The following HM13 variants were observed in gnomAD, a reference collection of about 807,000 sequenced individuals.
HM13 encodes the protein histocompatibility minor 13, also known as signal peptide peptidase.
Under a neutral mutation model 50.0 loss-of-function variants are expected in HM13, and 18 were observed. The ratio of observed to expected loss-of-function variants is 0.36; its 90% CI spans 0.25 to 0.53. HM13 has a LOEUF of 0.53. Among genes scored for constraint, HM13 ranks in the 20% least tolerant of loss-of-function variants. The probability of loss-of-function intolerance (pLI) is 0.90; values close to 1 mark genes in which losing one functional copy is unlikely to be tolerated. For missense variants in HM13, 393 were observed against 552.4 expected (o/e 0.71, Z 2.89); for synonymous variants, 197 against 232.6 (o/e 0.85, Z 1.39).
chr20:31,521,767 T>G (rs112966231), intron 1 of HM13, among the ~76,000 whole-genome samples: 150 of 151,556 alleles, frequency 9.9e-4, no homozygotes, highest in African/African-American at 3.3e-3. Context: ...GTGGGGTTTT[T>G]GTGAGGATGA....
chr20:31,540,213 A>C (rs185708928), intron 3 of HM13: 3 of 152,432 alleles, frequency 2.0e-5, no homozygotes, highest in Admixed American at 1.3e-4. Flanking sequence ...CCAGCCCCGC[A>C]TCCTGAAAAA....
chr20:31,552,365 GGAAAAGAGGCT>G (rs1284450191), intron 7 of HM13, among the ~76,000 whole-genome samples: 2 of 152,180 alleles, frequency 1.3e-5, no homozygotes, highest in Non-Finnish European at 2.9e-5. Flanking sequence ...CTGAGTTCAG[GGAAAAGAGGCT>G]GGAAAGAGGT....
Position 31,514,590 on chromosome 20 carries a change from C to T in HM13, c.39C>T (p.Ala13=), listed in dbSNP as rs1408375204. Residue 13 remains alanine (A), a synonymous_variant, in exon 1 of 13, where the codon GCC becomes GCT. Transcript: ENST00000398174. This position sits in a 1 kb window ranked among gnomAD's most constrained non-coding sequence, Gnocchi z 4.3. ...SALSDPHNGS[A]EAGGPTNSTT... ...TCAGCGATCCGCATAACGGCAGTGCCGAGGCAGGCGGCCCCACCAACAGCA... is the reference window on the plus strand; with the variant it reads ...TCAGCGATCCGCATAACGGCAGTGCTGAGGCAGGCGGCCCCACCAACAGCA... 1.9e-6 allele frequency: 3 copies of T among 1,604,036 alleles called. No individual in the cohort carries two copies. The highest frequency in any genetic ancestry group is 2.2e-5 in the South Asian group (2 of 89,232).
chr20:31,529,722 C>T (rs535264444), intron 2 of HM13, among the ~76,000 whole-genome samples: 17 of 152,178 alleles, frequency 1.1e-4, no homozygotes, highest in African/African-American at 3.1e-4. Context: ...TCAAGACCAC[C>T]CTGGCCAACA....
At chr20:31,554,255 C>T (rs765797998) in intron 7 of HM13, among the ~76,000 whole-genome samples, 15 of 152,108 alleles carry the variant, frequency 9.9e-5, no homozygotes, top group African/African-American at 2.2e-4. Context: ...AAAATCCCAG[C>T]TACTCAGGAG....
intron 3 of HM13, among the ~76,000 whole-genome samples, chr20:31,543,047 C>T (rs1241148240): frequency 6.6e-6 from 1 of 152,200 alleles, no homozygotes; most frequent in Non-Finnish European, 1.5e-5. Context: ...CACTCACACC[C>T]TGGCTTCAGA....
At chr20:31,554,565 C>T (rs753319673) in intron 7 of HM13, 181 bp from the exon 8 acceptor site, 31 of 541,790 alleles carry the variant, frequency 5.7e-5, no homozygotes, top group Non-Finnish European at 9.6e-5. Context: ...GCCTGTAGTT[C>T]CAGCTACTTG....
At chr20:31,568,042 C>A in intron 11 of HM13, 36 bp from the exon 12 acceptor site, 1 of 1,532,210 alleles carries the variant, frequency 6.5e-7, no homozygotes, top group Non-Finnish European at 8.9e-7. Flanking sequence ...CCCTATCCAT[C>A]TCTTTTTTTC....
chr20:31,545,074 T>C (rs1264210216), intron 4 of HM13, 39 bp downstream of exon 4: 1 of 1,491,992 alleles, frequency 6.7e-7, no homozygotes, highest in South Asian at 1.1e-5. Context: ...GTGCCTTGGG[T>C]GTCTTCCTCC....
intron 3 of HM13, chr20:31,539,457 T>G: frequency 5.1e-6 from 5 of 985,346 alleles, no homozygotes; most frequent in Non-Finnish European, 6.0e-6. Flanking sequence ...GCTAGAAAGT[T>G]TGTGCACATT....
At chr20:31,557,899 G>A (rs1481489838) in intron 8 of HM13, among the ~76,000 whole-genome samples, 2 of 152,136 alleles carry the variant, frequency 1.3e-5, no homozygotes, top group Non-Finnish European at 2.9e-5. Flanking sequence ...TAGAGACGGG[G>A]TTGCACCATT....
At chr20:31,532,054 C>A (rs988131412) in intron 2 of HM13, among the ~76,000 whole-genome samples, 5 of 152,054 alleles carry the variant, frequency 3.3e-5, no homozygotes, top group Admixed American at 1.3e-4. Flanking sequence ...GATTTTTACT[C>A]TAAGAAATAA....
intron 2 of HM13, among the ~76,000 whole-genome samples, chr20:31,536,451 C>T (rs940346980): frequency 6.6e-6 from 1 of 152,030 alleles, no homozygotes; most frequent in Non-Finnish European, 1.5e-5. Flanking sequence ...GCCAGGGCAC[C>T]GTCCCCCTCT....
chr20:31,521,484 G>A (rs149589482), intron 1 of HM13, among the ~76,000 whole-genome samples: 3 of 152,198 alleles, frequency 2.0e-5, no homozygotes, highest in Non-Finnish European at 2.9e-5. Context: ...CCAGCACTTC[G>A]GGAGGCCAAG....
intron 11 of HM13, 151 bp from the exon 12 acceptor site, chr20:31,567,927 T>C (rs1985016393): frequency 3.0e-6 from 2 of 667,914 alleles, no homozygotes; most frequent in Non-Finnish European, 5.0e-6. Context: ...CTCCAAATAA[T>C]ATCAGCTTCT....
Position 31,528,625 on chromosome 20 carries a change from C to T in HM13, c.282+1043C>T, listed in dbSNP as rs148779470. On this transcript the variant is annotated intron_variant, in intron 2 of 12. Transcript: ENST00000398174. ...AGCTGAGTAGCTAGGATTACAGACG[C>T]GCGCCACCACGCCCAGCTAATTTTT... 5.7e-3 allele frequency among the ~76,000 whole-genome samples: 872 copies of T among 152,336 alleles called. 9 individuals are homozygous for T. Among genetic ancestry groups the T allele is most frequent in the African/African-American group, 0.016 (673 of 41,572 alleles).
intron 9 of HM13, 22 bp from the exon 10 acceptor site, chr20:31,561,609 CTCT>C: frequency 6.6e-7 from 1 of 1,510,576 alleles, no homozygotes; most frequent in Non-Finnish European, 9.2e-7. Context: ...AACCCTCCTC[CTCT>C]TTCTTCACAC....
intron 2 of HM13, among the ~76,000 whole-genome samples, chr20:31,534,359 G>A (rs1218993609): frequency 6.6e-6 from 1 of 152,178 alleles, no homozygotes; most frequent in African/African-American, 2.4e-5. Flanking sequence ...TAGGGAGAAG[G>A]GGGAGAGGAC....
intron 8 of HM13, among the ~76,000 whole-genome samples, chr20:31,558,056 CAG>C (rs1167333813): frequency 1.3e-5 from 2 of 152,200 alleles, no homozygotes; most frequent in Non-Finnish European, 2.9e-5. Context: ...ACTCAGAGCC[CAG>C]AGCCCAGTAA....
Sources: allele counts gnomAD v4.1 joint callset (sites outside exome capture counted in the v4.1 genomes callset), GRCh38; gene constraint gnomAD v4.1.1; non-coding constraint Gnocchi (gnomAD v3.1); transcripts MANE v1.5; gene names NCBI Gene and HGNC (gene_info 2026-07-23, HGNC 2026-07-21).